Variants in PIK3AP1 observed in about 807,000 individuals in gnomAD.
The protein encoded by PIK3AP1 is phosphoinositide 3-kinase adapter protein 1.
In PIK3AP1, 21 loss-of-function variants were observed where a neutral mutation model predicts 88.1. That is an observed-to-expected ratio of 0.24 (90% CI 0.17 to 0.34). The LOEUF (loss-of-function observed/expected upper bound fraction) is 0.34. PIK3AP1 is among the 10% of genes least tolerant of loss of function. The pLI is 1.00. For synonymous variants in PIK3AP1, 398 were observed against 400.0 expected (o/e 1.00, Z 0.06); for missense variants, 828 against 1,035.7 (o/e 0.80, Z 2.75).
intron 12 of PIK3AP1, among the ~76,000 whole-genome samples, chr10:96,617,477 A>G (rs1843009786): frequency 6.6e-6 from 1 of 152,192 alleles, no homozygotes; most frequent in Non-Finnish European, 1.5e-5. Flanking sequence ...CAGGCTGAAG[A>G]GACTCACCTG....
At chr10:96,715,181 C>A (rs1484661376) in intron 1 of PIK3AP1, among the ~76,000 whole-genome samples, 1 of 152,184 alleles carries the variant, frequency 6.6e-6, no homozygotes, top group African/African-American at 2.4e-5. Flanking sequence ...AAACCCAGCA[C>A]CCTGGTCTAA....
chr10:96,684,774 T>C (rs910716999), intron 2 of PIK3AP1, among the ~76,000 whole-genome samples: 2 of 152,086 alleles, frequency 1.3e-5, no homozygotes, highest in Admixed American at 1.3e-4. Context: ...TTAAAAAAAC[T>C]TCACCAAGAA....
In PIK3AP1 at chr10:96,615,892, T is replaced by C. The variant is rs570279033; in HGVS notation, c.2014+747A>G. Among the ~76,000 whole-genome samples the C allele has an allele frequency of 4.1e-5, 6 of 145,054 alleles. No homozygotes were observed. The East Asian group carries it at 8.9e-4, about 21-fold the overall frequency. ...GAAGCTGTGCACAAACAGGGCTAGATTTTAACTTGGTTCTTCATGTAATAG... is the reference window on the plus strand; with the variant it reads ...GAAGCTGTGCACAAACAGGGCTAGACTTTAACTTGGTTCTTCATGTAATAG... On this transcript the variant is annotated intron_variant, in intron 13 of 16. Transcript: ENST00000339364.
At chr10:96,622,469 A>G (rs1307433133) in intron 11 of PIK3AP1, among the ~76,000 whole-genome samples, 2 of 152,198 alleles carry the variant, frequency 1.3e-5, no homozygotes, top group South Asian at 2.1e-4. Context: ...TAACATGAAG[A>G]AAAAAGAGAA....
intron 6 of PIK3AP1, among the ~76,000 whole-genome samples, chr10:96,649,591 C>T (rs990109853): frequency 6.6e-6 from 1 of 152,210 alleles, no homozygotes; most frequent in African/African-American, 2.4e-5. Context: ...AGCCCTTATT[C>T]CTAATTTCAT....
In PIK3AP1 at chr10:96,673,497, G is replaced by GC. The variant is rs202068128; in HGVS notation, c.431-16564dup. Among the ~76,000 whole-genome samples the GC allele has an allele frequency of 9.4e-3, 1,425 of 151,806 alleles. 25 individuals carry two copies. The highest frequency in any genetic ancestry group is 0.032 in the African/African-American group (1,310 of 41,384). On this transcript the variant is annotated intron_variant, in intron 2 of 16. Transcript: ENST00000339364. ...TGCTAACAAAGCAGGAGCTACCACA[G>GC]CCCCCCCCGAAAGGCTTCCTCTTTC... is the stretch of plus-strand genomic sequence containing the variant.
At chr10:96,696,735 T>A (rs924596392) in intron 2 of PIK3AP1, among the ~76,000 whole-genome samples, 1 of 152,232 alleles carries the variant, frequency 6.6e-6, no homozygotes, top group Non-Finnish European at 1.5e-5. Context: ...GATAATGGTA[T>A]AATGTGATAT....
intron 12 of PIK3AP1, 143 bp downstream of exon 12, chr10:96,620,209 T>G: frequency 1.1e-6 from 1 of 886,600 alleles, no homozygotes; most frequent in South Asian, 1.5e-5. Context: ...ACACACTCAC[T>G]GGTTCACAAT....
intron 8 of PIK3AP1, among the ~76,000 whole-genome samples, chr10:96,635,825 A>C: frequency 6.6e-6 from 1 of 152,150 alleles, no homozygotes; most frequent in East Asian, 1.9e-4. Flanking sequence ...GAATTGCTTG[A>C]ACCCAGGAGA....
intron 8 of PIK3AP1, among the ~76,000 whole-genome samples, chr10:96,630,258 T>C (rs1843227025): frequency 6.6e-6 from 1 of 152,182 alleles, no homozygotes; most frequent in Non-Finnish European, 1.5e-5. Context: ...TACCTTGATG[T>C]CCTCCAGTTC....
intron 11 of PIK3AP1, among the ~76,000 whole-genome samples, chr10:96,622,408 G>A (rs7071006): frequency 0.69 from 104,637 of 152,060 alleles, 37,581 homozygotes; most frequent in South Asian, 0.81. Flanking sequence ...AGGCTATTTG[G>A]ATCTAAATTT....
intron 15 of PIK3AP1, 178 bp downstream of exon 15, chr10:96,603,801 C>T (rs1166060323): frequency 6.7e-6 from 4 of 601,220 alleles, no homozygotes; most frequent in Admixed American, 3.2e-5. Flanking sequence ...TCCCTCCAGC[C>T]GCTGGCAACC....
intron 8 of PIK3AP1, among the ~76,000 whole-genome samples, chr10:96,629,909 C>CAAAA (rs66669261): frequency 3.7e-4 from 2 of 5,412 alleles, no homozygotes; most frequent in Non-Finnish European, 3.2e-3. Context: ...CAACAACAAC[C>CAAAA]AAAAAAAAAA....
At chr10:96,710,722 C>T (rs1844428167) in intron 1 of PIK3AP1, among the ~76,000 whole-genome samples, 1 of 152,186 alleles carries the variant, frequency 6.6e-6, no homozygotes, top group African/African-American at 2.4e-5. Context: ...ATTACATCTT[C>T]ACAGCAACTT....
chr10:96,662,634 A>G (rs1008982974), intron 2 of PIK3AP1, among the ~76,000 whole-genome samples: 22 of 148,718 alleles, frequency 1.5e-4, no homozygotes, highest in Admixed American at 5.4e-4. Context: ...TAATCCCAGC[A>G]CTTTGGGAGG....
chr10:96,637,322 A>T (rs916582370), intron 8 of PIK3AP1, among the ~76,000 whole-genome samples: 11 of 139,648 alleles, frequency 7.9e-5, no homozygotes, highest in African/African-American at 2.6e-4. Context: ...AATCACACAC[A>T]CACACACACA....
At chr10:96,604,962 G>A (rs1416442383) in intron 14 of PIK3AP1, among the ~76,000 whole-genome samples, 2 of 151,862 alleles carry the variant, frequency 1.3e-5, no homozygotes, top group African/African-American at 2.4e-5. Context: ...CAGGTTCAAT[G>A]GATTCTCCTG....
intron 2 of PIK3AP1, among the ~76,000 whole-genome samples, chr10:96,689,778 T>C (rs1387095200): frequency 6.6e-6 from 1 of 152,086 alleles, no homozygotes; most frequent in Non-Finnish European, 1.5e-5. Flanking sequence ...CCGTCTTCCC[T>C]CTACCCCACA....
chr10:96,655,187 G>A (rs920986786), intron 3 of PIK3AP1, among the ~76,000 whole-genome samples: 1 of 152,176 alleles, frequency 6.6e-6, no homozygotes, highest in African/African-American at 2.4e-5. Flanking sequence ...ATTGTGCCCA[G>A]CCAATGCCTA....
Sources: gnomAD v4.1 joint callset for allele counts (sites outside exome capture counted in the v4.1 genomes callset) on GRCh38, gnomAD v4.1.1 for gene constraint, MANE v1.5 for transcripts, NCBI Gene and HGNC (gene_info 2026-07-23, HGNC 2026-07-21) for gene names.